Variants in MYH11 observed in about 807,000 individuals in gnomAD.
MYH11 encodes the protein myosin heavy chain 11, also known as myosin-11.
A neutral mutation model predicts 246.6 loss-of-function variants in MYH11; 80 were observed. That is an observed-to-expected ratio of 0.32 (90% CI 0.27 to 0.39). MYH11 has a LOEUF of 0.39. Ranked by LOEUF, MYH11 falls within the 10% of genes least tolerant of loss-of-function variation. MYH11 has a pLI of 1.00. For missense variants in MYH11, 2,158 were observed against 2,546.8 expected (o/e 0.85, Z 3.29); for synonymous variants, 1,071 against 1,015.5 (o/e 1.05, Z -1.04).
chr16:15,714,314 G>A lies in MYH11; in HGVS notation c.5786+595C>T, dbSNP rs570340243. The A allele has an allele frequency of 4.0e-4, 64 of 159,390 alleles. 1 individual carries two copies. The South Asian group carries it at 8.5e-3, about 21-fold the overall frequency. The allele number at this position is 159,390 out of a possible 1,614,324, so 9.9% of individuals were successfully genotyped here. Reference sequence around the variant, plus strand: ...CAGTCGTACCCTCCCATCTCTAGAGGACTTCTGGCAACATCTAGAGACATT... The same window carrying A: ...CAGTCGTACCCTCCCATCTCTAGAGAACTTCTGGCAACATCTAGAGACATT... On this transcript the variant is annotated intron_variant, in intron 40 of 40. Transcript: ENST00000300036.
At chr16:15,807,480 A>G (rs1356221454) in intron 3 of MYH11, among the ~76,000 whole-genome samples, 1 of 152,126 alleles carries the variant, frequency 6.6e-6, no homozygotes, top group Non-Finnish European at 1.5e-5. Flanking sequence ...TTCACGGCAG[A>G]GGTGACCACT....
chr16:15,847,699 A>G (rs2044232326), intron 1 of MYH11, among the ~76,000 whole-genome samples: 1 of 152,198 alleles, frequency 6.6e-6, no homozygotes, highest in African/African-American at 2.4e-5. Flanking sequence ...AACACAAACA[A>G]GATCAAGTGC....
At chr16:15,714,762 T>G in intron 40 of MYH11, 147 bp downstream of exon 40, 1 of 1,044,434 alleles carries the variant, frequency 9.6e-7, no homozygotes, top group Non-Finnish European at 1.4e-6. Flanking sequence ...ACACTAAGCT[T>G]AGTGATTAAG....
chr16:15,705,405 G>A (rs74009407), intron 40 of MYH11, among the ~76,000 whole-genome samples: 3 of 152,226 alleles, frequency 2.0e-5, no homozygotes, highest in South Asian at 2.1e-4. Context: ...GGCTGGTCAC[G>A]TGAGGGGAGA....
intron 2 of MYH11, among the ~76,000 whole-genome samples, chr16:15,834,785 T>C (rs1406647348): frequency 6.6e-6 from 1 of 152,026 alleles, no homozygotes; most frequent in African/African-American, 2.4e-5. Flanking sequence ...ATTTAATAGT[T>C]ACGGCCAGGC....
chr16:15,803,120 G>C (rs1011904652), intron 3 of MYH11, among the ~76,000 whole-genome samples: 1 of 151,496 alleles, frequency 6.6e-6, no homozygotes, highest in East Asian at 2.0e-4. Flanking sequence ...CTGGGCAACA[G>C]AGCAAGACCC....
chr16:15,708,513 C>T (rs867324329), intron 40 of MYH11, among the ~76,000 whole-genome samples: 3 of 152,232 alleles, frequency 2.0e-5, no homozygotes, highest in Non-Finnish European at 2.9e-5. Context: ...CACACACAGC[C>T]TCTGCCATCT....
Position 15,758,014 on chromosome 16 carries a change from G to A in MYH11, c.1402-14C>T, listed in dbSNP as rs375973110. On this transcript the variant is annotated splice_polypyrimidine_tract_variant and intron_variant, in intron 12 of 40. Transcript: ENST00000300036. ...GAAGGAGTTCACCTGAGCACATGGC[G>A]TGGGGGCGGGGCGTGAGCATCTTGG... 4.2e-5 allele frequency: 67 copies of A among 1,613,222 alleles called. No individual in the cohort carries two copies. The highest frequency in any genetic ancestry group is 1.9e-4 in the Middle Eastern group (1 of 5,238).
At chr16:15,836,719 C>CTTT (rs780997939) in intron 2 of MYH11, among the ~76,000 whole-genome samples, 141 of 95,068 alleles carry the variant, frequency 1.5e-3, no homozygotes, top group Non-Finnish European at 2.1e-3. Context: ...TTTAATGTTT[C>CTTT]TTTTTTTTTT....
At chr16:15,800,778 A>C (rs1167424184) in intron 3 of MYH11, among the ~76,000 whole-genome samples, 1 of 152,072 alleles carries the variant, frequency 6.6e-6, no homozygotes, top group Non-Finnish European at 1.5e-5. Flanking sequence ...AACTCCAATC[A>C]GTTCTCTCTC....
chr16:15,844,506 C>G (rs1191183778), intron 1 of MYH11, among the ~76,000 whole-genome samples: 1 of 152,114 alleles, frequency 6.6e-6, no homozygotes, highest in African/African-American at 2.4e-5. Flanking sequence ...CCAGTACTCT[C>G]TTTCTTTAAC....
At chr16:15,820,489 A>G (rs935424738) in intron 3 of MYH11, among the ~76,000 whole-genome samples, 27 of 144,192 alleles carry the variant, frequency 1.9e-4, no homozygotes, top group East Asian at 6.2e-4. Flanking sequence ...AAAAAAAAAA[A>G]AAAGAAAGAA....
chr16:15,851,154 C>T (rs2044318987), intron 1 of MYH11, among the ~76,000 whole-genome samples: 1 of 152,146 alleles, frequency 6.6e-6, no homozygotes. Context: ...CTGGAAGGAC[C>T]TCTGCAGTGG....
chr16:15,797,394 T>A (rs182439811), intron 4 of MYH11, among the ~76,000 whole-genome samples: 1 of 152,180 alleles, frequency 6.6e-6, no homozygotes, highest in Non-Finnish European at 1.5e-5. Flanking sequence ...CCCTGTGTTT[T>A]CCACTCAACG....
chr16:15,761,250 A>G (rs537647916), intron 10 of MYH11, among the ~76,000 whole-genome samples: 1 of 152,120 alleles, frequency 6.6e-6, no homozygotes, highest in African/African-American at 2.4e-5. Context: ...AGCTGGCATT[A>G]TAGGTGCCTG....
chr16:15,853,333 G>A (rs1440824063), intron 1 of MYH11, among the ~76,000 whole-genome samples: 1 of 151,870 alleles, frequency 6.6e-6, no homozygotes, highest in Non-Finnish European at 1.5e-5. Flanking sequence ...AAATTTTTTT[G>A]TAGAGATGGT....
At chr16:15,724,582 C>T (rs1380149967) in intron 30 of MYH11, 65 bp downstream of exon 30, 57 of 1,611,000 alleles carry the variant, frequency 3.5e-5, no homozygotes, top group South Asian at 1.1e-4. Context: ...GATCTGCCTG[C>T]GGGGGATCTC....
At chr16:15,779,255 C>T in intron 6 of MYH11, 1 of 330,218 alleles carries the variant, frequency 3.0e-6, no homozygotes, top group Non-Finnish European at 5.9e-6. Flanking sequence ...CCCATGACCT[C>T]ACCCTCCCAA....
chr16:15,721,276 C>A, intron 32 of MYH11, 146 bp downstream of exon 32: 2 of 1,042,776 alleles, frequency 1.9e-6, no homozygotes, highest in East Asian at 2.6e-5. Flanking sequence ...CCCTCCCAGC[C>A]CCTGCACCAG....
Sources: allele counts gnomAD v4.1 joint callset (sites outside exome capture counted in the v4.1 genomes callset), GRCh38; gene constraint gnomAD v4.1.1; transcripts MANE v1.5; gene names NCBI Gene and HGNC (gene_info 2026-07-23, HGNC 2026-07-21).